BRCA1: variants seen among roughly 807,000 people sequenced by gnomAD.
BRCA1 encodes the protein breast cancer type 1 susceptibility protein.
Under a neutral mutation model 173.7 loss-of-function variants are expected in BRCA1, and 140 were observed. That is an observed-to-expected ratio of 0.81 (90% CI 0.70 to 0.93). The LOEUF (loss-of-function observed/expected upper bound fraction) is 0.93. Ranked by LOEUF, BRCA1 falls within the 40% of genes least tolerant of loss-of-function variation. BRCA1 has a pLI of 0.00. For synonymous variants in BRCA1, 662 were observed against 756.0 expected (o/e 0.88, Z 2.04); for missense variants, 1,983 against 2,172.5 (o/e 0.91, Z 1.73).
rs2055749162 is a variant in BRCA1, at chr17:43,124,104, T to A, written c.-8A>T. On this transcript the variant is annotated 5_prime_UTR_variant, in exon 2 of 23. Coordinates refer to ENST00000357654, the MANE Select transcript of BRCA1 (RefSeq NM_007294.4). ...AAGAGCAGATAAATCCATTTCTTTCTGTTCCAATGAACTTTAACACATTAG... is the reference window on the plus strand; with the variant it reads ...AAGAGCAGATAAATCCATTTCTTTCAGTTCCAATGAACTTTAACACATTAG... 6.2e-7 allele frequency: 1 copy of A among 1,608,090 alleles called. No homozygotes were observed.
rs1231236572 is a variant in BRCA1 at position 43,047,628 on chromosome 17, A to C, written c.5467+15T>G. 1.2e-6 allele frequency: 2 copies of C among 1,614,192 alleles called. No individual in the cohort carries two copies. The highest frequency in any genetic ancestry group is 1.7e-6 in the Non-Finnish European group (2 of 1,179,988). ...AAAGGACCCCATATAGCACAGGTAC[A>C]TGCAGGCACCTTACCATGGAAGCCA... On this transcript the variant is annotated intron_variant, in intron 22 of 22. Transcript: ENST00000357654.
At chr17:43,157,110 CA>C (rs2056202061) in intron 1 of BRCA1, among the ~76,000 whole-genome samples, 1 of 152,126 alleles carries the variant, frequency 6.6e-6, no homozygotes, top group South Asian at 2.1e-4. Context: ...TTCTGAAAGT[CA>C]AAAATGTTAC....
intron 1 of BRCA1, chr17:43,144,800 C>T (rs1477937219): frequency 7.7e-6 from 3 of 389,876 alleles, no homozygotes; most frequent in Non-Finnish European, 1.5e-5. Context: ...GCAGGTGGTT[C>T]ATCTAAGGTC....
chr17:43,079,987 T>C (rs2052930983), intron 12 of BRCA1, among the ~76,000 whole-genome samples: 1 of 152,154 alleles, frequency 6.6e-6, no homozygotes, highest in Admixed American at 6.5e-5. Context: ...TTCTCCTTAA[T>C]CCTTAATTCA....
chr17:43,054,366 GT>G (rs1382418335), intron 19 of BRCA1, among the ~76,000 whole-genome samples: 2 of 152,220 alleles, frequency 1.3e-5, no homozygotes, highest in Non-Finnish European at 2.9e-5. Context: ...TCCCAAAGCA[GT>G]TTTCCTTAGG....
intron 11 of BRCA1, among the ~76,000 whole-genome samples, chr17:43,088,366 A>G (rs527865313): frequency 9.3e-4 from 140 of 150,838 alleles, no homozygotes; most frequent in African/African-American, 3.4e-3. Flanking sequence ...CTATGAATTT[A>G]TCTTTTTTTT....
chr17:43,073,467 T>C (rs1472180459), intron 14 of BRCA1, among the ~76,000 whole-genome samples: 1 of 152,102 alleles, frequency 6.6e-6, no homozygotes, highest in Non-Finnish European at 1.5e-5. Flanking sequence ...CTAATGAACA[T>C]GGCCAAATAC....
upstream of BRCA1, among the ~76,000 whole-genome samples, chr17:43,128,867 A>G (rs1308985328): frequency 1.4e-5 from 2 of 146,380 alleles, no homozygotes; most frequent in Non-Finnish European, 3.0e-5. Flanking sequence ...AGACCAGCCC[A>G]GGCTGGTCTT....
chr17:43,055,311 C>A (rs1203085233), intron 19 of BRCA1, among the ~76,000 whole-genome samples: 1 of 152,154 alleles, frequency 6.6e-6, no homozygotes, highest in Non-Finnish European at 1.5e-5. Flanking sequence ...CTCCGTGAAG[C>A]CTTCAACAAC....
chr17:43,059,468 T>TAA (rs2051651498), intron 18 of BRCA1, among the ~76,000 whole-genome samples: 2 of 117,828 alleles, frequency 1.7e-5, no homozygotes, highest in African/African-American at 3.8e-5. Context: ...CGAGATGCTG[T>TAA]CACAACAACA....
chr17:43,058,157 C>A (rs983959849), intron 18 of BRCA1, among the ~76,000 whole-genome samples: 2 of 151,822 alleles, frequency 1.3e-5, no homozygotes, highest in African/African-American at 4.8e-5. Context: ...CAGCTTGAGA[C>A]CAGGAGCTGG....
upstream of BRCA1, among the ~76,000 whole-genome samples, chr17:43,128,343 C>G (rs1028731018): frequency 5.9e-5 from 9 of 152,222 alleles, no homozygotes; most frequent in Non-Finnish European, 1.3e-4. Context: ...AGCTTCACTC[C>G]TGAAGCCAGC....
chr17:43,096,921 C>T (rs565651464), intron 8 of BRCA1, among the ~76,000 whole-genome samples: 15 of 152,242 alleles, frequency 9.9e-5, no homozygotes, highest in South Asian at 6.2e-4. Context: ...GAGAACTAAA[C>T]TAGATGATCT....
Position 43,071,056 on chromosome 17 carries a change from T to C in BRCA1, c.4858A>G (p.Thr1620Ala), listed in dbSNP as rs8176219. The C allele has an allele frequency of 3.1e-6, 5 of 1,614,180 alleles. No homozygotes were observed. In the South Asian group the frequency reaches 3.3e-5, roughly 11 times the overall value. Residue 1620 changes from threonine to alanine, a missense_variant, in exon 15 of 23, where the codon ACT becomes GCT. Coordinates refer to ENST00000357654, the MANE Select transcript of BRCA1 (RefSeq NM_007294.4). ...ATTGCATTATACCCAGCAGTATCAG[T>C]AGTATGAGCAGCAGCTGGACTCTGG... ...SAQSPAAAHTTDTAGYNAMEE... is the reference protein window; with the variant it reads ...SAQSPAAAHTADTAGYNAMEE...
intron 3 of BRCA1, among the ~76,000 whole-genome samples, chr17:43,114,244 G>A (rs2055165436): frequency 6.6e-6 from 1 of 152,124 alleles, no homozygotes; most frequent in Non-Finnish European, 1.5e-5. Flanking sequence ...TTGAGTCCCT[G>A]TAATAATAGT....
At chr17:43,138,264 A>G (rs1204281965) in intron 1 of BRCA1, 1 of 207,678 alleles carries the variant, frequency 4.8e-6, no homozygotes, top group African/African-American at 2.3e-5. Context: ...TTTCTCTGGC[A>G]GCCTTTTTCA....
chr17:43,169,962 A>T, intron 1 of BRCA1: 1 of 469,206 alleles, frequency 2.1e-6, no homozygotes. Flanking sequence ...AAAAGTTTCA[A>T]TATTTACACT....
At position 43,082,488 on chromosome 17, in the gene BRCA1, G is replaced by A. The variant is rs768327850; in HGVS notation, c.4273C>T (p.Pro1425Ser). ...ATGATGGAAGGGTAGCTGTTAGAAG[G>A]CTGGCTCCCATGCTGTTCTAACACA... Reference protein sequence around the residue: ...EAVLEQHGSQPSNSYPSIISD... With the variant: ...EAVLEQHGSQSSNSYPSIISD... Residue 1425 changes from proline to serine, a missense_variant, in exon 12 of 23, where the codon CCT becomes TCT. By Grantham distance (74) the Pro-to-Ser change is moderately conservative (BLOSUM62 -1). Coordinates refer to ENST00000357654, the MANE Select transcript of BRCA1 (RefSeq NM_007294.4). 5 of 1,614,100 alleles carry A rather than the reference G, an allele frequency of 3.1e-6. No homozygotes were observed. The South Asian group carries it at 5.5e-5, about 18-fold the overall frequency.
chr17:43,112,190 A>G (rs2055066457), intron 3 of BRCA1, among the ~76,000 whole-genome samples: 1 of 152,004 alleles, frequency 6.6e-6, no homozygotes. Context: ...CCTGGGTTCA[A>G]GAGGTTCCTC....
Sources: allele counts gnomAD v4.1 joint callset (sites outside exome capture counted in the v4.1 genomes callset), GRCh38; gene constraint gnomAD v4.1.1; transcripts MANE v1.5; gene names NCBI Gene and HGNC (gene_info 2026-07-23, HGNC 2026-07-21).